The following NALCN variants were observed in gnomAD, a reference collection of about 807,000 sequenced individuals.
The protein encoded by NALCN is sodium leak channel NALCN.
In NALCN, 111 loss-of-function variants were observed where a neutral mutation model predicts 225.3. That is an observed-to-expected ratio of 0.49 (90% CI 0.42 to 0.58). NALCN has a LOEUF of 0.58. Among genes scored for constraint, NALCN ranks in the 20% least tolerant of loss-of-function variants. NALCN has a pLI of 0.00. For synonymous variants in NALCN, 764 were observed against 769.0 expected (o/e 0.99, Z 0.11); for missense variants, 1,378 against 2,202.4 (o/e 0.63, Z 7.49).
rs147190657 is a variant in NALCN, at chr13:101,153,549, A to G, written c.1840-8653T>C. 1.8e-4 allele frequency among the ~76,000 whole-genome samples: 27 copies of G among 152,308 alleles called. 2 individuals are homozygous for G. In the East Asian group the frequency reaches 5.2e-3, roughly 29 times the overall value. On this transcript the variant is annotated intron_variant, in intron 15 of 43. Transcript: ENST00000251127. ...CCTGATCATGCCTCCTTTGCTATTT[A>G]AGGTTGCTTCTTCAAAGAGATGCTT...
chr13:101,055,662 T>G (rs894984656), intron 43 of NALCN, among the ~76,000 whole-genome samples, 174 bp from the exon 44 acceptor site: 4 of 152,300 alleles, frequency 2.6e-5, no homozygotes, highest in Middle Eastern at 6.8e-3. Context: ...GATAGATTTT[T>G]TTTTTAATTG....
intron 7 of NALCN, among the ~76,000 whole-genome samples, chr13:101,311,165 T>C (rs2044328612): frequency 6.6e-6 from 1 of 151,078 alleles, no homozygotes; most frequent in Admixed American, 6.6e-5. Context: ...TCTGTTTGTC[T>C]GTTATTGGTG....
At chr13:101,346,087 C>CTATATATATATATATA (rs71121188) in intron 6 of NALCN, among the ~76,000 whole-genome samples, 21 of 70,924 alleles carry the variant, frequency 3.0e-4, no homozygotes, top group African/African-American at 7.3e-4. Context: ...CTCTCTCTCT[C>CTATATATATATATATA]TATATATATA....
intron 17 of NALCN, among the ~76,000 whole-genome samples, chr13:101,142,555 T>C (rs2037140381): frequency 1.3e-5 from 2 of 152,184 alleles, no homozygotes; most frequent in South Asian, 4.1e-4. Context: ...CTGTGGAATC[T>C]GAAAAAAATT....
chr13:101,101,127 GGAATAAGGTATTTTT>G (rs1207648356), intron 26 of NALCN, among the ~76,000 whole-genome samples: 1 of 151,816 alleles, frequency 6.6e-6, no homozygotes, highest in African/African-American at 2.4e-5. Flanking sequence ...GTAAGAAAAT[GGAATAAGGTATTTTT>G]GATATGGCTT....
chr13:101,054,531 A>T lies in NALCN; in HGVS notation c.*764T>A, dbSNP rs2030969524. 1 of 152,186 alleles carries T rather than the reference A, an allele frequency of 6.6e-6. No homozygotes were observed. 9.4% of individuals were successfully genotyped at this position (152,186 alleles called of 1,614,324 possible). A position where few individuals can be genotyped will look rare whatever the true frequency, so the allele number is the denominator to read the frequency against. ...AACTCAGTTATTAAAAGGTTTCTTAAGAAACTTAACATCTTTGCGCAACTA... is the reference window on the plus strand; with the variant it reads ...AACTCAGTTATTAAAAGGTTTCTTATGAAACTTAACATCTTTGCGCAACTA... On this transcript the variant is annotated 3_prime_UTR_variant, in exon 44 of 44. Coordinates refer to ENST00000251127, the MANE Select transcript of NALCN (RefSeq NM_052867.4).
intron 1 of NALCN, among the ~76,000 whole-genome samples, chr13:101,407,977 G>A (rs1399270839): frequency 6.6e-6 from 1 of 152,206 alleles, no homozygotes; most frequent in Non-Finnish European, 1.5e-5. Flanking sequence ...GCCTCAATGA[G>A]GTAAGTGTCT....
intron 6 of NALCN, among the ~76,000 whole-genome samples, chr13:101,372,197 G>A (rs975156179): frequency 2.6e-5 from 4 of 152,036 alleles, no homozygotes; most frequent in African/African-American, 9.7e-5. Flanking sequence ...GAAAATTATA[G>A]AAAGCAAAAA....
At chr13:101,059,637 G>A (rs1339489655) in intron 42 of NALCN, among the ~76,000 whole-genome samples, 181 bp downstream of exon 42, 1 of 147,940 alleles carries the variant, frequency 6.8e-6, no homozygotes, top group Non-Finnish European at 1.5e-5. Flanking sequence ...AGATGGCAAA[G>A]ACATAGACAT....
chr13:101,363,204 C>A (rs1051313942), intron 6 of NALCN, among the ~76,000 whole-genome samples: 3 of 152,072 alleles, frequency 2.0e-5, no homozygotes, highest in African/African-American at 7.2e-5. Flanking sequence ...TATCAAAATA[C>A]CAATGACATT....
At chr13:101,280,079 T>C (rs2043117186) in intron 10 of NALCN, among the ~76,000 whole-genome samples, 1 of 152,150 alleles carries the variant, frequency 6.6e-6, no homozygotes, top group Non-Finnish European at 1.5e-5. Flanking sequence ...AATTAATTAA[T>C]TATTTTCTTG....
chr13:101,211,234 T>C (rs1484467124), intron 13 of NALCN, among the ~76,000 whole-genome samples: 4 of 152,142 alleles, frequency 2.6e-5, no homozygotes, highest in Admixed American at 1.3e-4. Context: ...ATAATATTAA[T>C]GTAAGATGGC....
At position 101,176,367 on chromosome 13, in the gene NALCN, A is replaced by G; in HGVS notation, c.1772T>C (p.Leu591Pro). Residue 591 changes from leucine (L) to proline (P), a missense_variant, in exon 15 of 44, where the codon CTG (leucine) becomes CCG (proline). Transcript: ENST00000251127. The part of the protein sequence containing the change: ...LYHLFATLIL[L>P]SLFVAVILDN... The stretch of plus-strand genomic sequence containing the variant: ...CAAAATAACAGCAACAAACAAACTC[A>G]GGAGGATCTATAAAATGGTGAAATA... The G allele has an allele frequency of 6.3e-7, 1 of 1,596,098 alleles. No homozygotes were observed. The highest frequency in any genetic ancestry group is 8.5e-7 in the Non-Finnish European group (1 of 1,174,006).
intron 17 of NALCN, among the ~76,000 whole-genome samples, chr13:101,137,418 C>T (rs1476626902): frequency 6.6e-6 from 1 of 152,040 alleles, no homozygotes; most frequent in Non-Finnish European, 1.5e-5. Context: ...AACATTCATT[C>T]ATCCTGGAAA....
intron 7 of NALCN, among the ~76,000 whole-genome samples, chr13:101,342,975 A>T (rs1325635909): frequency 6.6e-6 from 1 of 152,180 alleles, no homozygotes; most frequent in African/African-American, 2.4e-5. Flanking sequence ...AAGAAAAGGA[A>T]ATGGGCTCCT....
At chr13:101,069,003 T>C (rs2032646655) in intron 37 of NALCN, among the ~76,000 whole-genome samples, 176 bp from the exon 38 acceptor site, 1 of 152,224 alleles carries the variant, frequency 6.6e-6, no homozygotes, top group Non-Finnish European at 1.5e-5. Flanking sequence ...TAAAGAAGAA[T>C]ATTTCACTTA....
intron 7 of NALCN, among the ~76,000 whole-genome samples, chr13:101,335,604 T>C (rs2045352739): frequency 2.0e-5 from 3 of 152,160 alleles, no homozygotes; most frequent in Non-Finnish European, 2.9e-5. Context: ...TGAATTCTAT[T>C]GCCTTAGTTC....
intron 7 of NALCN, among the ~76,000 whole-genome samples, chr13:101,322,151 G>A (rs968758204): frequency 1.3e-5 from 2 of 152,142 alleles, no homozygotes; most frequent in South Asian, 2.1e-4. Context: ...TCATTTCATG[G>A]GGTGTATTTG....
chr13:101,127,830 T>C (rs2036310331), intron 17 of NALCN, among the ~76,000 whole-genome samples: 1 of 152,250 alleles, frequency 6.6e-6, no homozygotes, highest in Non-Finnish European at 1.5e-5. Context: ...ATTATCTAGT[T>C]ATTCCCTTCT....
Sources: allele counts gnomAD v4.1 joint callset (sites outside exome capture counted in the v4.1 genomes callset), GRCh38; gene constraint gnomAD v4.1.1; transcripts MANE v1.5; gene names NCBI Gene and HGNC (gene_info 2026-07-23, HGNC 2026-07-21).